PTPRZ1: variants seen among roughly 807,000 people sequenced by gnomAD.
The protein encoded by PTPRZ1 is protein tyrosine phosphatase receptor type Z1, also known as receptor-type tyrosine-protein phosphatase zeta.
PTPRZ1 carries 82 observed loss-of-function variants against 214.1 expected under a neutral mutation model. That is an observed-to-expected ratio of 0.38 (90% CI 0.32 to 0.46). The LOEUF is 0.46. PTPRZ1 is among the 20% of genes least tolerant of loss of function. The pLI, the probability that PTPRZ1 is intolerant of heterozygous loss-of-function variation, is 1.00. For synonymous variants in PTPRZ1, 945 were observed against 987.9 expected (o/e 0.96, Z 0.81); for missense variants, 2,603 against 2,748.7 (o/e 0.95, Z 1.19).
chr7:122,050,523 T>C (rs954888216), intron 23 of PTPRZ1, among the ~76,000 whole-genome samples: 2 of 135,330 alleles, frequency 1.5e-5, no homozygotes, highest in Non-Finnish European at 1.6e-5. Flanking sequence ...TCTTAATAAC[T>C]TCAGGATAGA....
intron 6 of PTPRZ1, among the ~76,000 whole-genome samples, chr7:121,981,730 C>A (rs570478329): frequency 1.8e-4 from 28 of 152,226 alleles, no homozygotes; most frequent in African/African-American, 6.7e-4. Flanking sequence ...ATTCTATAAT[C>A]TGTATACAAG....
intron 5 of PTPRZ1, 126 bp from the exon 6 acceptor site, chr7:121,976,659 G>A: frequency 1.4e-6 from 1 of 699,960 alleles, no homozygotes; most frequent in East Asian, 3.1e-5. Flanking sequence ...TATAAAAAAA[G>A]TGTTTTTGGA....
intron 15 of PTPRZ1, 63 bp from the exon 16 acceptor site, chr7:122,034,032 C>A: frequency 7.0e-7 from 1 of 1,438,174 alleles, no homozygotes. Flanking sequence ...GCTTTTTTTT[C>A]TCATTTGTCG....
In PTPRZ1 at chr7:122,015,675, G is replaced by A. The variant is rs541959888; in HGVS notation, c.4843+1786G>A. On this transcript the variant is annotated intron_variant, in intron 12 of 29. Transcript: ENST00000393386. Reference sequence around the variant, plus strand: ...TCTTACCAGGTAGTGACATTGATACGTTCTTGCTAGACTATGCTATTATAG... The same window carrying A: ...TCTTACCAGGTAGTGACATTGATACATTCTTGCTAGACTATGCTATTATAG... Among the ~76,000 whole-genome samples, 27 of 152,096 alleles carry A rather than the reference G, an allele frequency of 1.8e-4. 1 individual carries two copies. In the South Asian group the frequency reaches 5.0e-3, roughly 28 times the overall value.
intron 2 of PTPRZ1, among the ~76,000 whole-genome samples, chr7:121,948,341 C>T (rs1186082651): frequency 6.6e-6 from 1 of 152,148 alleles, no homozygotes; most frequent in Admixed American, 6.5e-5. Flanking sequence ...CCTGGCCAAA[C>T]ATGGTGGCTC....
intron 6 of PTPRZ1, among the ~76,000 whole-genome samples, chr7:121,981,186 G>C (rs181946925): frequency 6.6e-6 from 1 of 151,866 alleles, no homozygotes; most frequent in Admixed American, 6.6e-5. Flanking sequence ...CCTTGAAAAG[G>C]CTTCACTTTA....
chr7:121,962,346 G>T (rs900601658), intron 2 of PTPRZ1, among the ~76,000 whole-genome samples: 1 of 151,478 alleles, frequency 6.6e-6, no homozygotes, highest in African/African-American at 2.4e-5. Flanking sequence ...TACTCAGGAG[G>T]CTGAGACAGG....
rs3993671 is a variant in PTPRZ1, at chr7:122,040,729, CGTGTGTGTGTGTGTGTGTGTGT to C, written c.5638-54_5638-33del. On this transcript the variant is annotated intron_variant, in intron 20 of 29. Coordinates refer to ENST00000393386, the MANE Select transcript of PTPRZ1 (RefSeq NM_002851.3). The stretch of plus-strand genomic sequence containing the variant: ...GATTCCTGACTTGCTGTTGAAGAAC[CGTGTGTGTGTGTGTGTGTGTGT>C]GTGTGTGTGTGTGTGTGTGTGTGTG... 7.4e-3 allele frequency: 3,621 copies of C among 489,140 alleles called. 45 individuals carry two copies. The highest frequency in any genetic ancestry group is 0.041 in the African/African-American group (1,788 of 43,546). The allele number at this position is 489,140 out of a possible 1,614,324, so 30.3% of individuals were successfully genotyped here.
At chr7:121,911,495 G>A (rs905487373) in intron 1 of PTPRZ1, among the ~76,000 whole-genome samples, 3 of 151,986 alleles carry the variant, frequency 2.0e-5, no homozygotes, top group Non-Finnish European at 4.4e-5. Context: ...CCATATAAAT[G>A]TTTCTAGATT....
chr7:121,883,075 GAAGA>G (rs1249174990), intron 1 of PTPRZ1, among the ~76,000 whole-genome samples: 3 of 152,162 alleles, frequency 2.0e-5, no homozygotes, highest in African/African-American at 7.2e-5. Flanking sequence ...AGGGAAGAAA[GAAGA>G]GAGAGAAACA....
At chr7:121,947,058 A>T (rs1160219775) in intron 2 of PTPRZ1, among the ~76,000 whole-genome samples, 1 of 151,978 alleles carries the variant, frequency 6.6e-6, no homozygotes, top group Admixed American at 6.6e-5. Context: ...AAGCATAAGG[A>T]CTCCATGGTA....
At chr7:121,995,839 G>T (rs925027602) in intron 8 of PTPRZ1, among the ~76,000 whole-genome samples, 8 of 152,030 alleles carry the variant, frequency 5.3e-5, no homozygotes, top group African/African-American at 1.9e-4. Flanking sequence ...TCCTCATCCT[G>T]AACTGAATAT....
At chr7:122,036,858 T>C (rs1322765995) in intron 18 of PTPRZ1, among the ~76,000 whole-genome samples, 176 bp downstream of exon 18, 1 of 152,212 alleles carries the variant, frequency 6.6e-6, no homozygotes, top group Non-Finnish European at 1.5e-5. Context: ...AAAATTTTCA[T>C]ATTAAATGAC....
At chr7:121,923,705 G>A (rs1795669760) in intron 1 of PTPRZ1, among the ~76,000 whole-genome samples, 1 of 150,790 alleles carries the variant, frequency 6.6e-6, no homozygotes, top group Non-Finnish European at 1.5e-5. Flanking sequence ...TTGGTGGGGG[G>A]GTGGTAAAAA....
At chr7:121,926,521 T>C (rs879638682) in intron 1 of PTPRZ1, among the ~76,000 whole-genome samples, 2 of 152,026 alleles carry the variant, frequency 1.3e-5, no homozygotes, top group Non-Finnish European at 2.9e-5. Context: ...CTCAAAAGCA[T>C]TATGTGACGT....
At chr7:121,988,704 A>T (rs1797845223) in intron 8 of PTPRZ1, among the ~76,000 whole-genome samples, 1 of 152,226 alleles carries the variant, frequency 6.6e-6, no homozygotes, top group Non-Finnish European at 1.5e-5. Context: ...AAGTGAATGA[A>T]TTAAAACATT....
chr7:121,884,772 GAAT>G (rs1331932316), intron 1 of PTPRZ1, among the ~76,000 whole-genome samples: 1 of 152,334 alleles, frequency 6.6e-6, no homozygotes, highest in Admixed American at 6.5e-5. Flanking sequence ...CCAGAAAAGA[GAAT>G]AATAATGTAA....
At chr7:121,914,361 G>A (rs1426952293) in intron 1 of PTPRZ1, among the ~76,000 whole-genome samples, 1 of 152,134 alleles carries the variant, frequency 6.6e-6, no homozygotes, top group African/African-American at 2.4e-5. Flanking sequence ...GTAATAATTT[G>A]TATTACAAAG....
At chr7:121,960,205 A>AT (rs1229068827) in intron 2 of PTPRZ1, among the ~76,000 whole-genome samples, 7 of 151,960 alleles carry the variant, frequency 4.6e-5, no homozygotes, top group Admixed American at 1.3e-4. Context: ...CGCCTGGCTA[A>AT]TTTTTTTGTA....
Sources: allele counts gnomAD v4.1 joint callset (sites outside exome capture counted in the v4.1 genomes callset), GRCh38; gene constraint gnomAD v4.1.1; transcripts MANE v1.5; gene names NCBI Gene and HGNC (gene_info 2026-07-23, HGNC 2026-07-21).